The following ABCG1 variants were observed in gnomAD, a reference collection of about 807,000 sequenced individuals.
The protein encoded by ABCG1 is ATP-binding cassette sub-family G member 1.
A neutral mutation model predicts 69.2 loss-of-function variants in ABCG1; 29 were observed. The ratio of observed to expected loss-of-function variants is 0.42; its 90% CI spans 0.31 to 0.57. The LOEUF (loss-of-function observed/expected upper bound fraction) is 0.57. Among genes scored for constraint, ABCG1 ranks in the 20% least tolerant of loss-of-function variants. The pLI, the probability that ABCG1 is intolerant of heterozygous loss-of-function variation, is 0.15. For missense variants in ABCG1, 718 were observed against 898.1 expected (o/e 0.80, Z 2.56); for synonymous variants, 370 against 374.8 (o/e 0.99, Z 0.15).
At position 42,296,144 on chromosome 21, in the gene ABCG1, T is replaced by C; in HGVS notation, c.1773-20T>C. 2.5e-6 allele frequency: 4 copies of C among 1,606,776 alleles called. No individual in the cohort carries two copies. Among genetic ancestry groups the C allele is most frequent in the South Asian group, 2.2e-5 (2 of 90,918 alleles). ...CTGGCTGGGAGAACGTCCTCCCTCA[T>C]GCCTGGCCTTTCCTCCTAGGTATGG... On this transcript the variant is annotated intron_variant, in intron 14 of 14. Coordinates refer to ENST00000398449, the MANE Select transcript of ABCG1 (RefSeq NM_016818.3). This position sits in a 1 kb window ranked among gnomAD's most constrained non-coding sequence, Gnocchi z 5.4.
At chr21:42,261,518 C>T (rs1162203188) in intron 2 of ABCG1, among the ~76,000 whole-genome samples, 1 of 152,194 alleles carries the variant, frequency 6.6e-6, no homozygotes, top group Non-Finnish European at 1.5e-5. Context: ...CCACAGGGGC[C>T]TGGGGGAAGC....
intron 2 of ABCG1, among the ~76,000 whole-genome samples, chr21:42,208,496 C>G (rs1328932231): frequency 6.6e-6 from 1 of 152,218 alleles, no homozygotes; most frequent in Non-Finnish European, 1.5e-5. Context: ...CAAGCCTGTC[C>G]TATGACCTTG....
In ABCG1 at chr21:42,296,624, G is replaced by GT. The variant is rs55913235; in HGVS notation, c.*245dup. 0.29 allele frequency: 125,998 copies of GT among 428,358 alleles called. 6,538 individuals carry two copies. Among genetic ancestry groups the GT allele is most frequent in the East Asian group, 0.32 (7,782 of 24,350 alleles). The allele number at this position is 428,358 out of a possible 1,614,324, so 26.5% of individuals were successfully genotyped here. ...CTAGGAAGATGTAGGCAGATTGGTG[G>GT]TTTTTTTTTTTTTAACATACAGAAT... On this transcript the variant is annotated 3_prime_UTR_variant, in exon 15 of 15. Transcript: ENST00000398449. This position sits in a 1 kb window ranked among gnomAD's most constrained non-coding sequence, Gnocchi z 5.4.
At chr21:42,202,093 C>T (rs975381449) in intron 2 of ABCG1, among the ~76,000 whole-genome samples, 4 of 152,200 alleles carry the variant, frequency 2.6e-5, no homozygotes, top group Admixed American at 2.0e-4. Context: ...CTCCATGCAG[C>T]AGCAGCGTTT....
intron 2 of ABCG1, among the ~76,000 whole-genome samples, chr21:42,267,728 C>T: frequency 6.7e-6 from 1 of 150,104 alleles, no homozygotes; most frequent in East Asian, 2.0e-4. Context: ...TGGGTCTGGT[C>T]TGGGTTCTGT....
rs115822569 is a variant in ABCG1, at chr21:42,280,713, G to A, written c.589-1561G>A. 7.2e-3 allele frequency among the ~76,000 whole-genome samples: 1,095 copies of A among 152,318 alleles called. 13 individuals carry two copies. The highest frequency in any genetic ancestry group is 0.025 in the African/African-American group (1,053 of 41,566). The stretch of plus-strand genomic sequence containing the variant: ...GGCCTCCGCTTCCAGCATCCCCTCC[G>A]TGAGGGTGGAGGGAGAGAAGAAGAT... On this transcript the variant is annotated intron_variant, in intron 5 of 14. Transcript: ENST00000398449.
chr21:42,262,171 G>C (rs1202203763), intron 2 of ABCG1, among the ~76,000 whole-genome samples: 1 of 152,156 alleles, frequency 6.6e-6, no homozygotes, highest in Non-Finnish European at 1.5e-5. Flanking sequence ...CGAAGCCTTA[G>C]GGAGCATGCA....
intron 2 of ABCG1, among the ~76,000 whole-genome samples, chr21:42,232,815 C>A (rs2067920235): frequency 1.3e-5 from 2 of 152,324 alleles, no homozygotes; most frequent in African/African-American, 4.8e-5. Flanking sequence ...GACACCGTTT[C>A]TTTTGTTTAT....
chr21:42,252,131 G>C (rs1262149937), intron 2 of ABCG1, among the ~76,000 whole-genome samples: 1 of 152,224 alleles, frequency 6.6e-6, no homozygotes, highest in African/African-American at 2.4e-5. Context: ...GAGAGCATCT[G>C]TGCCATTGCC....
Position 42,271,055 on chromosome 21 carries a change from T to A in ABCG1, c.287-15T>A. 2 of 1,449,058 alleles carry A rather than the reference T, an allele frequency of 1.4e-6. No individual in the cohort carries two copies. Among genetic ancestry groups the A allele is most frequent in the East Asian group, 5.2e-5 (2 of 38,096 alleles). The allele number at this position is 1,449,058 out of a possible 1,614,324, so 89.8% of individuals were successfully genotyped here. Reference sequence around the variant, plus strand: ...TAAAATGAAATGAATATGAATATGATCTGCTTTTTTGCAGGATACAAGACC... The same window carrying A: ...TAAAATGAAATGAATATGAATATGAACTGCTTTTTTGCAGGATACAAGACC... On this transcript the variant is annotated splice_polypyrimidine_tract_variant and intron_variant, in intron 2 of 14. Coordinates refer to ENST00000398449, the MANE Select transcript of ABCG1 (RefSeq NM_016818.3).
chr21:42,204,278 T>C (rs907843546), intron 2 of ABCG1, among the ~76,000 whole-genome samples: 12 of 152,224 alleles, frequency 7.9e-5, no homozygotes, highest in African/African-American at 2.7e-4. Context: ...AATTCCAGCA[T>C]CATGTTGAAT....
intron 13 of ABCG1, among the ~76,000 whole-genome samples, chr21:42,293,553 C>G (rs1032623872): frequency 5.0e-5 from 7 of 139,784 alleles, no homozygotes; most frequent in Middle Eastern, 5.0e-3. Context: ...TACACACATA[C>G]CACACTACAC....
rs1394587571 is a variant in ABCG1, at chr21:42,288,441, C to T, written c.1224+129C>T. On this transcript the variant is annotated intron_variant, in intron 10 of 14. Transcript: ENST00000398449. The surrounding 1 kb of genome is among the most constrained non-coding windows in gnomAD (Gnocchi z 4.8). ...AAATTCATGAGGCCAGGCATGGTGA[C>T]TCATGTCTGTAACCCCAGCACTTTG... is the stretch of plus-strand genomic sequence containing the variant. The T allele has an allele frequency of 4.2e-6, 3 of 715,554 alleles. No individual in the cohort carries two copies. The highest frequency in any genetic ancestry group is 7.0e-6 in the Non-Finnish European group (3 of 428,190). 44.3% of individuals were successfully genotyped at this position (715,554 alleles called of 1,614,324 possible). A position where few individuals can be genotyped will look rare whatever the true frequency, so the allele number is the denominator to read the frequency against.
At chr21:42,208,420 T>C (rs1450294961) in intron 2 of ABCG1, among the ~76,000 whole-genome samples, 1 of 152,218 alleles carries the variant, frequency 6.6e-6, no homozygotes, top group Non-Finnish European at 1.5e-5. Context: ...TTTTGTGTAA[T>C]ATCCAAGGTT....
intron 2 of ABCG1, chr21:42,256,439 C>A: frequency 6.5e-7 from 1 of 1,549,508 alleles, no homozygotes; most frequent in Non-Finnish European, 8.7e-7. Flanking sequence ...GTCAGAGTAT[C>A]CAGAGGCCGC....
At chr21:42,256,149 T>C in intron 2 of ABCG1, 8 of 1,391,276 alleles carry the variant, frequency 5.8e-6, no homozygotes, top group Non-Finnish European at 7.5e-6. Context: ...TTGTGAAACC[T>C]GGGCGTGATA....
chr21:42,211,035 C>T (rs2067584406), intron 2 of ABCG1, among the ~76,000 whole-genome samples: 2 of 151,110 alleles, frequency 1.3e-5, no homozygotes, highest in Non-Finnish European at 2.9e-5. Flanking sequence ...TCTCAGCTCA[C>T]TGCAACCTCC....
Position 42,287,916 on chromosome 21 carries a change from G to A in ABCG1, c.1001G>A (p.Gly334Asp), listed in dbSNP as rs760142871. 1 of 1,604,784 alleles carries A rather than the reference G, an allele frequency of 6.2e-7. No individual in the cohort carries two copies. The highest frequency in any genetic ancestry group is 8.5e-7 in the Non-Finnish European group (1 of 1,173,938). Residue 334 changes from glycine to aspartate, a missense_variant, in exon 9 of 15, where the codon GGT (glycine) becomes GAT (aspartate). Transcript: ENST00000398449. The surrounding 1 kb of genome is among the most constrained non-coding windows in gnomAD (Gnocchi z 6.2). ...FVMEVASGEY[G>D]DQNSRLVRAV... is the part of the protein sequence containing the mutation. Reference sequence around the variant, plus strand: ...ATGGAGGTTGCATCCGGCGAGTACGGTGATCAGAACAGTCGGCTGGTGAGA... The same window carrying A: ...ATGGAGGTTGCATCCGGCGAGTACGATGATCAGAACAGTCGGCTGGTGAGA...
intron 2 of ABCG1, chr21:42,256,384 T>A: frequency 4.5e-6 from 7 of 1,550,148 alleles, no homozygotes; most frequent in Non-Finnish European, 6.1e-6. Context: ...GTACCGCCAT[T>A]CTCTTGGCCA....
Sources: gnomAD v4.1 joint callset for allele counts (sites outside exome capture counted in the v4.1 genomes callset) on GRCh38, gnomAD v4.1.1 for gene constraint, Gnocchi (gnomAD v3.1) non-coding constraint, MANE v1.5 for transcripts, NCBI Gene and HGNC (gene_info 2026-07-23, HGNC 2026-07-21) for gene names.